Variants in ZNF430 observed in about 807,000 individuals in gnomAD.
ZNF430 encodes the protein zinc finger protein 430.
A neutral mutation model predicts 56.7 loss-of-function variants in ZNF430; 35 were observed. The ratio of observed to expected loss-of-function variants is 0.62; its 90% confidence interval spans 0.47 to 0.82. The LOEUF (loss-of-function observed/expected upper bound fraction) is 0.82, where lower values mean the gene tolerates loss of function less well. ZNF430 is among the 40% of genes least tolerant of loss of function. ZNF430 has a pLI of 0.00. For missense variants in ZNF430, 574 were observed against 661.0 expected, an observed-to-expected ratio of 0.87 and a Z score of 1.44; for synonymous variants, 212 against 224.3, an observed-to-expected ratio of 0.94 and a Z score of 0.49.
intron 2 of ZNF430, among the ~76,000 whole-genome samples, chr19:21,031,436 G>T (rs578042236): frequency 1.3e-5 from 2 of 152,204 alleles, no homozygotes; most frequent in South Asian, 4.1e-4. Context: ...GGGGAGTGTG[G>T]CTCATATTTC....
At chr19:21,032,117 T>C (rs1230093291) in intron 2 of ZNF430, among the ~76,000 whole-genome samples, 1 of 152,164 alleles carries the variant, frequency 6.6e-6, no homozygotes, top group East Asian at 1.9e-4. Context: ...ATGGAGAATA[T>C]GTAATGTTGA....
chr19:21,032,503 G>A (rs764183240), intron 2 of ZNF430, among the ~76,000 whole-genome samples: 4 of 152,092 alleles, frequency 2.6e-5, no homozygotes, highest in Non-Finnish European at 4.4e-5. Flanking sequence ...CGAGGTGGGC[G>A]GATCACCTGA....
chr19:21,043,668 G>T (rs1019537820), intron 4 of ZNF430, among the ~76,000 whole-genome samples: 1 of 152,106 alleles, frequency 6.6e-6, no homozygotes, highest in Non-Finnish European at 1.5e-5. Flanking sequence ...GTCAGTAATA[G>T]TTTAGTGGGA....
intron 4 of ZNF430, among the ~76,000 whole-genome samples, chr19:21,049,223 T>TA (rs1360571852): frequency 6.6e-6 from 1 of 151,174 alleles, no homozygotes. Context: ...TTTAACTTCT[T>TA]AAACTTTAAT....
intron 3 of ZNF430, 189 bp downstream of exon 3, chr19:21,033,771 C>T (rs1008286886): frequency 1.2e-5 from 8 of 685,884 alleles, no homozygotes; most frequent in African/African-American, 3.7e-5. Flanking sequence ...CTTAAACTTT[C>T]CACATTCCTG....
rs530656697 is a variant in ZNF430, at chr19:21,050,812, G to A, written c.323-5819G>A. 4.6e-5 allele frequency among the ~76,000 whole-genome samples: 7 copies of A among 152,208 alleles called. No homozygotes were observed. The East Asian group carries it at 7.7e-4, about 17-fold the overall frequency. ...GGAGGACAAGGTGGGAGGATTGCCCGAGGTCAGGAGTTCAAGACCAGTCTG... is the reference window on the plus strand; with the variant it reads ...GGAGGACAAGGTGGGAGGATTGCCCAAGGTCAGGAGTTCAAGACCAGTCTG... On this transcript the variant is annotated intron_variant, in intron 4 of 4. Transcript: ENST00000261560.
intron 4 of ZNF430, chr19:21,034,436 A>T: frequency 2.9e-6 from 1 of 340,590 alleles, no homozygotes. Context: ...ATGGCATGCG[A>T]GACTCACAAT....
chr19:21,044,657 G>A (rs545187723), intron 4 of ZNF430, among the ~76,000 whole-genome samples: 1 of 152,250 alleles, frequency 6.6e-6, no homozygotes, highest in African/African-American at 2.4e-5. Flanking sequence ...AGAAGAAATG[G>A]TACCAACTCC....
chr19:21,057,410 GC>G lies in ZNF430; in HGVS notation c.1103del (p.Ala368ValfsTer26). 1 of 1,596,800 alleles carries G rather than the reference GC, an allele frequency of 6.3e-7. No individual in the cohort carries two copies. The highest frequency in any genetic ancestry group is 8.5e-7 in the Non-Finnish European group (1 of 1,173,368). Reference sequence around the variant, plus strand: ...CCTTACTACACATAAGATAATTCATGCTGGAGAGAAACCTTACAAATGTGAA... The same window carrying G: ...CCTTACTACACATAAGATAATTCATGTGGAGAGAAACCTTACAAATGTGAA... ...STLTTHKIIH[A>X]GEKPYKCEEC... On this transcript the variant is annotated frameshift_variant, in exon 5 of 5. Coordinates refer to ENST00000261560, the MANE Select transcript of ZNF430 (RefSeq NM_025189.4). LOFTEE classifies it high-confidence loss of function.
At chr19:21,055,697 G>A (rs181359229) in intron 4 of ZNF430, among the ~76,000 whole-genome samples, 5 of 152,166 alleles carry the variant, frequency 3.3e-5, no homozygotes, top group Admixed American at 2.6e-4. Flanking sequence ...CAAGTGATCC[G>A]CCAGCCTTGG....
intron 4 of ZNF430, among the ~76,000 whole-genome samples, chr19:21,053,094 C>G (rs1186276925): frequency 6.6e-6 from 1 of 152,072 alleles, no homozygotes; most frequent in Admixed American, 6.6e-5. Flanking sequence ...CAGGACTCTT[C>G]AGACATTTGA....
intron 4 of ZNF430, among the ~76,000 whole-genome samples, chr19:21,040,200 T>C (rs28394595): frequency 0.049 from 7,447 of 152,288 alleles, 591 homozygotes; most frequent in African/African-American, 0.17. Flanking sequence ...AATAAAAATA[T>C]TGTGTATTCT....
At chr19:21,042,206 A>G (rs902432456) in intron 4 of ZNF430, among the ~76,000 whole-genome samples, 2 of 152,108 alleles carry the variant, frequency 1.3e-5, no homozygotes, top group East Asian at 1.9e-4. Flanking sequence ...TATCCAGTCT[A>G]TTATTGATGG....
Position 21,020,875 on chromosome 19 carries a change from G to C in ZNF430, c.3+72G>C, listed in dbSNP as rs1974284678. On this transcript the variant is annotated intron_variant, in intron 1 of 4. Transcript: ENST00000261560. The stretch of plus-strand genomic sequence containing the variant: ...GTAATGGGTGGGAAGTGGCTGTGGC[G>C]GGACTCAGGCCTCCCGGCAGTCAGC... 3.7e-6 allele frequency: 6 copies of C among 1,603,084 alleles called. No homozygotes were observed. The East Asian group carries it at 1.3e-4, about 36-fold the overall frequency.
intron 2 of ZNF430, among the ~76,000 whole-genome samples, chr19:21,031,730 G>A (rs1455911280): frequency 6.6e-6 from 1 of 152,104 alleles, no homozygotes; most frequent in Admixed American, 6.5e-5. Context: ...TTCAGAGAAA[G>A]AAAGAGAAAA....
intron 2 of ZNF430, among the ~76,000 whole-genome samples, chr19:21,029,039 G>A (rs1295642913): frequency 2.0e-5 from 3 of 152,148 alleles, no homozygotes; most frequent in Non-Finnish European, 4.4e-5. Context: ...GTACCCAGAT[G>A]AGAGTTTCTC....
At chr19:21,056,478 G>A (rs1968378793) in intron 4 of ZNF430, among the ~76,000 whole-genome samples, 153 bp from the exon 5 acceptor site, 1 of 148,200 alleles carries the variant, frequency 6.7e-6, no homozygotes, top group Admixed American at 6.7e-5. Context: ...TACAGAATGA[G>A]ACTCTGTCTA....
intron 4 of ZNF430, among the ~76,000 whole-genome samples, chr19:21,042,219 A>T (rs1464099494): frequency 6.6e-6 from 1 of 152,214 alleles, no homozygotes; most frequent in Non-Finnish European, 1.5e-5. Flanking sequence ...ATTGATGGGC[A>T]TGTGGGTTGA....
chr19:21,028,900 G>T (rs1022071012), intron 2 of ZNF430, among the ~76,000 whole-genome samples: 1 of 151,656 alleles, frequency 6.6e-6, no homozygotes, highest in African/African-American at 2.4e-5. Flanking sequence ...TGCACAGGCT[G>T]GTCTTGAACT....
Sources: gnomAD v4.1 joint callset for allele counts (sites outside exome capture counted in the v4.1 genomes callset) on GRCh38, gnomAD v4.1.1 for gene constraint, MANE v1.5 for transcripts, NCBI Gene and HGNC (gene_info 2026-07-23, HGNC 2026-07-21) for gene names.